Variants in CBLB observed in about 807,000 individuals in gnomAD.
CBLB encodes Cbl proto-oncogene B, also known as E3 ubiquitin-protein ligase CBL-B.
CBLB carries 31 observed loss-of-function variants against 104.9 expected under a neutral mutation model. The observed-to-expected ratio is 0.30, with a 90% CI of 0.22 to 0.40. The LOEUF (loss-of-function observed/expected upper bound fraction) is 0.40. CBLB is among the 10% of genes least tolerant of loss of function. The probability of loss-of-function intolerance (pLI) is 1.00; values close to 1 mark genes in which losing one functional copy is unlikely to be tolerated. For missense variants in CBLB, 1,062 were observed against 1,214.6 expected (o/e 0.87, Z 1.87); for synonymous variants, 440 against 422.6 (o/e 1.04, Z -0.51).
At chr3:105,839,995 C>T (rs1273142232) in intron 3 of CBLB, among the ~76,000 whole-genome samples, 4 of 152,050 alleles carry the variant, frequency 2.6e-5, no homozygotes, top group South Asian at 2.1e-4. Context: ...ACCCAGCTGA[C>T]CAGGATGGAA....
At chr3:105,775,607 G>C (rs1449318581) in intron 4 of CBLB, among the ~76,000 whole-genome samples, 2 of 152,128 alleles carry the variant, frequency 1.3e-5, no homozygotes, top group East Asian at 3.9e-4. Context: ...TCTCATTAAA[G>C]GTAATTCTTA....
intron 3 of CBLB, among the ~76,000 whole-genome samples, chr3:105,793,189 A>G (rs1407247404): frequency 6.6e-6 from 1 of 152,140 alleles, no homozygotes; most frequent in Non-Finnish European, 1.5e-5. Flanking sequence ...TCACAGAACA[A>G]GGCCAGAGAG....
At chr3:105,832,236 A>C (rs2087653689) in intron 3 of CBLB, among the ~76,000 whole-genome samples, 1 of 152,160 alleles carries the variant, frequency 6.6e-6, no homozygotes, top group Non-Finnish European at 1.5e-5. Context: ...CTGTTATAGC[A>C]ATTTTGAAAT....
At chr3:105,836,761 T>G (rs567416229) in intron 3 of CBLB, among the ~76,000 whole-genome samples, 1 of 152,112 alleles carries the variant, frequency 6.6e-6, no homozygotes, top group African/African-American at 2.4e-5. Context: ...CAAAACAAAC[T>G]GCTGACAAAC....
In CBLB at chr3:105,664,715, A is replaced by C. The variant is rs1224442352; in HGVS notation, c.2690-5486T>G. ...ATCTAAGACTGAGAACCAGAGATCG[A>C]TTTCGCTCATGTGAAAAATATAGGA... is the stretch of plus-strand genomic sequence containing the variant. On this transcript the variant is annotated intron_variant, in intron 18 of 18. Transcript: ENST00000394030. 2.0e-5 allele frequency among the ~76,000 whole-genome samples: 3 copies of C among 152,192 alleles called. No individual in the cohort carries two copies. The East Asian group carries it at 5.8e-4, about 29-fold the overall frequency.
In CBLB at chr3:105,678,419, T is replaced by C. The variant is rs2065902953; in HGVS notation, c.2569+12A>G. ...TTTAAGTGAATAGTTTTCTTTGGCT[T>C]TTCCCTCCTACCTGAAGGAAGAAGA... is the stretch of plus-strand genomic sequence containing the variant. On this transcript the variant is annotated intron_variant, in intron 17 of 18. Transcript: ENST00000394030. 2 of 1,613,714 alleles carry C rather than the reference T, an allele frequency of 1.2e-6. No individual in the cohort carries two copies. The highest frequency in any genetic ancestry group is 1.7e-6 in the Non-Finnish European group (2 of 1,179,668).
intron 9 of CBLB, among the ~76,000 whole-genome samples, chr3:105,723,329 T>C (rs1180823088): frequency 1.3e-5 from 2 of 152,210 alleles, no homozygotes; most frequent in African/African-American, 4.8e-5. Context: ...ACTCATTTTC[T>C]AGTTTCCACC....
At chr3:105,855,495 A>G (rs1306524246) in intron 2 of CBLB, among the ~76,000 whole-genome samples, 1 of 152,208 alleles carries the variant, frequency 6.6e-6, no homozygotes, top group African/African-American at 2.4e-5. Context: ...TATATATATC[A>G]AAGCATCATG....
chr3:105,799,272 G>A (rs1189260645), intron 3 of CBLB, among the ~76,000 whole-genome samples: 1 of 150,740 alleles, frequency 6.6e-6, no homozygotes, highest in Non-Finnish European at 1.5e-5. Flanking sequence ...AAGCAAATTA[G>A]CAAAACAAAG....
intron 18 of CBLB, among the ~76,000 whole-genome samples, chr3:105,665,624 T>A (rs1187607635): frequency 6.8e-6 from 1 of 147,704 alleles, no homozygotes; most frequent in Non-Finnish European, 1.5e-5. Flanking sequence ...TGTATAATTA[T>A]AAACAGATAA....
intron 9 of CBLB, 84 bp downstream of exon 9, chr3:105,733,925 T>C (rs2074618765): frequency 1.6e-6 from 2 of 1,276,188 alleles, no homozygotes; most frequent in Admixed American, 3.4e-5. Flanking sequence ...TTACCAGCAT[T>C]ACTTCCTAAA....
At chr3:105,770,690 G>A (rs964173) in intron 4 of CBLB, among the ~76,000 whole-genome samples, 11,240 of 152,138 alleles carry the variant, frequency 0.074, 600 homozygotes, top group Admixed American at 0.16. Flanking sequence ...AGACGAAGAG[G>A]GGCATGGCTT....
At chr3:105,744,632 T>TA (rs879674122) in intron 6 of CBLB, among the ~76,000 whole-genome samples, 43 of 148,920 alleles carry the variant, frequency 2.9e-4, no homozygotes, top group East Asian at 9.8e-4. Context: ...GGCTTGCACT[T>TA]AAAAAAAAAA....
At chr3:105,740,107 A>AC (rs60836692) in intron 7 of CBLB, among the ~76,000 whole-genome samples, 150,105 of 152,192 alleles carry the variant, frequency 0.99, 74,063 homozygotes, top group East Asian at 1. Context: ...ATCTCAAAAA[A>AC]AAAAAAGAAA....
At chr3:105,671,787 G>A in intron 17 of CBLB, 1 of 197,692 alleles carries the variant, frequency 5.1e-6, no homozygotes, top group Non-Finnish European at 1.0e-5. Flanking sequence ...CTTAGACAAG[G>A]CTCTTTAACT....
chr3:105,743,421 C>G (rs535807477), intron 6 of CBLB, among the ~76,000 whole-genome samples: 45 of 149,154 alleles, frequency 3.0e-4, no homozygotes, highest in African/African-American at 9.9e-4. Flanking sequence ...GATAGTACCA[C>G]TGCACTCCTG....
In CBLB at chr3:105,829,148, G is replaced by A. The variant is rs539358499; in HGVS notation, c.419+24266C>T. Among the ~76,000 whole-genome samples, 123 of 150,938 alleles carry A rather than the reference G, an allele frequency of 8.1e-4. 1 individual carries two copies. The highest frequency in any genetic ancestry group is 2.9e-3 in the African/African-American group (121 of 41,048). On this transcript the variant is annotated intron_variant, in intron 3 of 18. Transcript: ENST00000394030. ...ATGAGATCCTGAAATATTCCCCAAA[G>A]TAATGAAAAAAAATTAAAAATGCCC...
intron 18 of CBLB, among the ~76,000 whole-genome samples, chr3:105,660,674 G>A (rs1315902878): frequency 2.0e-5 from 3 of 152,130 alleles, no homozygotes; most frequent in Non-Finnish European, 4.4e-5. Flanking sequence ...CATGCTTAAT[G>A]TTCCCATCTT....
At chr3:105,846,771 G>A (rs11921710) in intron 3 of CBLB, among the ~76,000 whole-genome samples, 32,491 of 151,860 alleles carry the variant, frequency 0.21, 3,675 homozygotes, top group East Asian at 0.42. Flanking sequence ...AGAAAATGTG[G>A]TAATTGATGT....
Sources: gnomAD v4.1 joint callset for allele counts (sites outside exome capture counted in the v4.1 genomes callset) on GRCh38, gnomAD v4.1.1 for gene constraint, MANE v1.5 for transcripts, NCBI Gene and HGNC (gene_info 2026-07-23, HGNC 2026-07-21) for gene names.